The following LMTK2 variants were observed in gnomAD, a reference collection of about 807,000 sequenced individuals.
LMTK2 encodes serine/threonine-protein kinase LMTK2.
A neutral mutation model predicts 127.5 loss-of-function variants in LMTK2; 37 were observed. The observed-to-expected ratio is 0.29, with a 90% CI of 0.22 to 0.38. The LOEUF (loss-of-function observed/expected upper bound fraction) is 0.38. LMTK2 is among the 10% of genes least tolerant of loss of function. The pLI is 1.00. For synonymous variants in LMTK2, 819 were observed against 810.1 expected (o/e 1.01, Z -0.19); for missense variants, 1,694 against 1,920.3 (o/e 0.88, Z 2.20).
rs191906310 is a variant in LMTK2, at chr7:98,141,657, C to T, written c.376+116C>T. 1.3e-3 allele frequency: 1,235 copies of T among 981,234 alleles called. 3 individuals carry two copies. Among genetic ancestry groups the T allele is most frequent in the Admixed American group, 3.5e-3 (160 of 46,328 alleles). 60.8% of individuals were successfully genotyped at this position (981,234 alleles called of 1,614,324 possible). On this transcript the variant is annotated intron_variant, in intron 3 of 13. Coordinates refer to ENST00000297293, the MANE Select transcript of LMTK2 (RefSeq NM_014916.4). ...ATCTCCTCTTTGGTTTATTTCTCTT[C>T]CTTCTGCTCCCAGTGAAGCTGAATT...
chr7:98,196,189 G>GAA (rs1414467101), intron 11 of LMTK2, among the ~76,000 whole-genome samples: 8 of 114,334 alleles, frequency 7.0e-5, no homozygotes, highest in Admixed American at 2.8e-4. Context: ...ACCTGTCTCA[G>GAA]AAAAAAAAAA....
intron 6 of LMTK2, among the ~76,000 whole-genome samples, chr7:98,168,604 C>T (rs895856596): frequency 1.1e-4 from 16 of 152,190 alleles, no homozygotes; most frequent in African/African-American, 3.6e-4. Context: ...TGACTTTTTA[C>T]ACAGTACTGA....
Position 98,168,723 on chromosome 7 carries a change from TTGAA to T in LMTK2, c.658-2814_658-2811del, listed in dbSNP as rs140694592. Among the ~76,000 whole-genome samples the T allele has an allele frequency of 7.0e-3, 1,059 of 152,286 alleles. 5 individuals are homozygous for T. Among genetic ancestry groups the T allele is most frequent in the Non-Finnish European group, 0.011 (749 of 68,026 alleles). On this transcript the variant is annotated intron_variant, in intron 6 of 13. Coordinates refer to ENST00000297293, the MANE Select transcript of LMTK2 (RefSeq NM_014916.4). Reference sequence around the variant, plus strand: ...TTGCGAGGAACCTATTTACAGGTGTTTGAATGACTCATTCTACCAGGGCGTTGCA... The same window carrying T: ...TTGCGAGGAACCTATTTACAGGTGTTTGACTCATTCTACCAGGGCGTTGCA...
intron 6 of LMTK2, among the ~76,000 whole-genome samples, chr7:98,166,471 G>A (rs1797102668): frequency 6.6e-6 from 1 of 152,208 alleles, no homozygotes; most frequent in Non-Finnish European, 1.5e-5. Context: ...TTGTACAACT[G>A]TGCAATGTGT....
chr7:98,201,261 TC>T (rs1797700415), intron 11 of LMTK2, among the ~76,000 whole-genome samples: 2 of 152,178 alleles, frequency 1.3e-5, no homozygotes. Flanking sequence ...ATCATTCTTC[TC>T]CTAGAAGTAC....
chr7:98,113,054 T>A (rs1387361937), intron 1 of LMTK2, among the ~76,000 whole-genome samples: 1 of 152,092 alleles, frequency 6.6e-6, no homozygotes, highest in Non-Finnish European at 1.5e-5. Context: ...CATGCCCACT[T>A]TATTTTTTTG....
chr7:98,138,731 G>A (rs1796633087), intron 2 of LMTK2, among the ~76,000 whole-genome samples: 1 of 152,198 alleles, frequency 6.6e-6, no homozygotes, highest in South Asian at 2.1e-4. Flanking sequence ...CAGTGTTGCT[G>A]ATACTGAAAT....
chr7:98,167,196 G>A (rs1797113421), intron 6 of LMTK2, among the ~76,000 whole-genome samples: 1 of 152,202 alleles, frequency 6.6e-6, no homozygotes, highest in Non-Finnish European at 1.5e-5. Flanking sequence ...GTCTGCCTAA[G>A]TGTTTTTTCT....
intron 11 of LMTK2, among the ~76,000 whole-genome samples, chr7:98,202,663 G>T (rs1021056215): frequency 2.6e-5 from 4 of 152,082 alleles, no homozygotes; most frequent in African/African-American, 4.8e-5. Flanking sequence ...CAAAGCCTTC[G>T]CTGTGCTGTT....
At chr7:98,203,756 T>C (rs958113957) in intron 12 of LMTK2, 50 bp downstream of exon 12, 2 of 1,607,796 alleles carry the variant, frequency 1.2e-6, no homozygotes, top group Non-Finnish European at 8.5e-7. Context: ...AATTGAGTAA[T>C]GTAAAGGTTT....
intron 1 of LMTK2, among the ~76,000 whole-genome samples, chr7:98,132,563 T>C (rs1407156010): frequency 6.6e-6 from 1 of 152,018 alleles, no homozygotes; most frequent in African/African-American, 2.4e-5. Context: ...ACTCATTTTT[T>C]AAAAACTGGC....
At chr7:98,122,884 C>T (rs549380009) in intron 1 of LMTK2, among the ~76,000 whole-genome samples, 3 of 152,126 alleles carry the variant, frequency 2.0e-5, no homozygotes, top group African/African-American at 4.8e-5. Context: ...CTGTTGCCTC[C>T]GAAACATCCT....
intron 2 of LMTK2, among the ~76,000 whole-genome samples, chr7:98,140,144 T>G (rs377291284): frequency 0.76 from 46,057 of 60,502 alleles, 17,485 homozygotes; most frequent in Middle Eastern, 0.87. Context: ...CTTTCTTTCT[T>G]TTCTTTTCTT....
intron 3 of LMTK2, among the ~76,000 whole-genome samples, chr7:98,146,144 C>T (rs768553412): frequency 6.6e-5 from 10 of 152,230 alleles, no homozygotes; most frequent in African/African-American, 1.9e-4. Flanking sequence ...TCTGGACTCT[C>T]GGCTGTATGT....
At chr7:98,147,172 G>C (rs376677653) in intron 3 of LMTK2, among the ~76,000 whole-genome samples, 3 of 151,304 alleles carry the variant, frequency 2.0e-5, no homozygotes, top group East Asian at 1.9e-4. Flanking sequence ...TCGGGATTCT[G>C]TGTCTTCGGT....
Position 98,159,358 on chromosome 7 carries a change from T to C in LMTK2, c.590T>C (p.Ile197Thr). The change falls in exon 6 of 14, where the codon ATT (isoleucine) becomes ACT (threonine). Residue 197 changes from isoleucine (I) to threonine (T), a missense_variant. Ile to Thr is a moderately conservative substitution (Grantham distance 89). Coordinates refer to ENST00000297293, the MANE Select transcript of LMTK2 (RefSeq NM_014916.4). ...CCCAGCATTCTTCAGCATCCAAATA[T>C]TCTTCAGTGTGTTGGACAGTGCGTA... ...EPYYILQHPNILQCVGQCVEA... is the reference protein window; with the variant it reads ...EPYYILQHPNTLQCVGQCVEA... The C allele has an allele frequency of 6.2e-7, 1 of 1,605,816 alleles. No individual in the cohort carries two copies. The highest frequency in any genetic ancestry group is 8.5e-7 in the Non-Finnish European group (1 of 1,177,328).
intron 3 of LMTK2, among the ~76,000 whole-genome samples, chr7:98,149,310 T>C (rs1796818855): frequency 6.6e-6 from 1 of 152,210 alleles, no homozygotes; most frequent in South Asian, 2.1e-4. Flanking sequence ...AAGTTAAAGC[T>C]ACAAAGATAT....
intron 11 of LMTK2, among the ~76,000 whole-genome samples, chr7:98,200,481 G>A (rs1797690563): frequency 6.6e-6 from 1 of 152,206 alleles, no homozygotes; most frequent in Non-Finnish European, 1.5e-5. Flanking sequence ...TGTAGAACCT[G>A]TGTATAGATA....
At chr7:98,200,047 T>G (rs2116478710) in intron 11 of LMTK2, among the ~76,000 whole-genome samples, 1 of 152,386 alleles carries the variant, frequency 6.6e-6, no homozygotes, top group South Asian at 2.1e-4. Flanking sequence ...CTCTTTTTAA[T>G]AAATTGAACA....
Sources: gnomAD v4.1 joint callset for allele counts (sites outside exome capture counted in the v4.1 genomes callset) on GRCh38, gnomAD v4.1.1 for gene constraint, MANE v1.5 for transcripts, NCBI Gene and HGNC (gene_info 2026-07-23, HGNC 2026-07-21) for gene names.